BSPH1: variants seen among roughly 807,000 people sequenced by gnomAD.
BSPH1 encodes the protein binder of sperm 1.
In BSPH1, 21 loss-of-function variants were observed where a neutral mutation model predicts 22.5. The observed-to-expected ratio is 0.93, with a 90% confidence interval of 0.66 to 1.35. The LOEUF (loss-of-function observed/expected upper bound fraction) is 1.35, where lower values mean the gene tolerates loss of function less well. BSPH1 is among the 40% of genes most tolerant of loss of function. The pLI, the probability that BSPH1 is intolerant of heterozygous loss-of-function variation, is 0.00. For synonymous variants in BSPH1, 42 were observed against 53.6 expected (o/e 0.78, Z 0.95); for missense variants, 141 against 154.2 (o/e 0.91, Z 0.45).
At chr19:47,982,813 T>C (rs1170299915) in intron 1 of BSPH1, among the ~76,000 whole-genome samples, 1 of 152,194 alleles carries the variant, frequency 6.6e-6, no homozygotes, top group Non-Finnish European at 1.5e-5. Context: ...ACCACATGGA[T>C]GCACTTTGAA....
intron 5 of BSPH1, among the ~76,000 whole-genome samples, chr19:47,968,828 G>C (rs918912834): frequency 2.6e-5 from 4 of 151,500 alleles, no homozygotes; most frequent in African/African-American, 9.7e-5. Context: ...GTGAAACCCC[G>C]TCTCTACTAA....
Position 47,976,854 on chromosome 19 carries a change from T to C in BSPH1, c.257A>G (p.Asp86Gly). Residue 86 changes from aspartate to glycine, a missense_variant and splice_region_variant, in exon 5 of 6, where the codon GAT becomes GGT. Coordinates refer to ENST00000344839, the MANE Select transcript of BSPH1 (RefSeq NM_001128326.2). ...EGYWKFCSAE[D>G]FANCVFPFWY... ...GAAGGGAAATACACAGTTTGCAAAA[T>C]CTGCAGAGGAGGAAGAGGAAGAAGC... The C allele has an allele frequency of 6.4e-7, 1 of 1,551,014 alleles. No homozygotes were observed. Among genetic ancestry groups the C allele is most frequent in the Non-Finnish European group, 8.7e-7 (1 of 1,146,818 alleles).
chr19:47,988,774 C>T (rs573414740), intron 1 of BSPH1, among the ~76,000 whole-genome samples: 18 of 152,010 alleles, frequency 1.2e-4, no homozygotes, highest in African/African-American at 1.9e-4. Flanking sequence ...CAGTTCTCCC[C>T]GCAAGGGACC....
At chr19:47,977,746 G>C (rs1019408968) in intron 3 of BSPH1, 3 of 907,006 alleles carry the variant, frequency 3.3e-6, no homozygotes, top group Admixed American at 6.2e-5. Context: ...ATTTTGCTTA[G>C]CATTTGCCCC....
chr19:47,980,731 AAGTGC>A (rs1969412346), intron 2 of BSPH1, among the ~76,000 whole-genome samples, 185 bp downstream of exon 2: 2 of 151,814 alleles, frequency 1.3e-5, no homozygotes, highest in African/African-American at 4.8e-5. Context: ...CGGCCTCCCA[AAGTGC>A]TGGGACTCTT....
intron 2 of BSPH1, among the ~76,000 whole-genome samples, 197 bp downstream of exon 2, chr19:47,980,724 C>T (rs538074137): frequency 1.7e-4 from 26 of 152,038 alleles, no homozygotes; most frequent in Admixed American, 1.5e-3. Flanking sequence ...CCTGCCTCGG[C>T]CTCCCAAAGT....
intron 1 of BSPH1, among the ~76,000 whole-genome samples, chr19:47,987,585 C>T (rs1411494171): frequency 6.6e-6 from 1 of 152,066 alleles, no homozygotes; most frequent in Non-Finnish European, 1.5e-5. Flanking sequence ...CTAGGTCCCA[C>T]TATGTTTCCC....
At chr19:47,973,226 A>G in intron 5 of BSPH1, among the ~76,000 whole-genome samples, 1 of 101,678 alleles carries the variant, frequency 9.8e-6, no homozygotes, top group Middle Eastern at 5.1e-3. Context: ...CAAAATAATA[A>G]TAATAATAAT....
intron 5 of BSPH1, among the ~76,000 whole-genome samples, chr19:47,972,856 T>TCCCCAC (rs970933619): frequency 1.3e-5 from 2 of 150,674 alleles, no homozygotes; most frequent in African/African-American, 2.4e-5. Flanking sequence ...CACACACACA[T>TCCCCAC]CCCCACCCCC....
chr19:47,989,000 C>A (rs76041716), intron 1 of BSPH1, among the ~76,000 whole-genome samples: 15 of 151,684 alleles, frequency 9.9e-5, no homozygotes, highest in Admixed American at 8.5e-4. Flanking sequence ...CCCACTAGAT[C>A]GTGCACTAGT....
At chr19:47,985,835 G>GA (rs5828325) in intron 1 of BSPH1, among the ~76,000 whole-genome samples, 100,107 of 144,356 alleles carry the variant, frequency 0.69, 34,782 homozygotes, top group African/African-American at 0.81. Flanking sequence ...ACTTTGTCTA[G>GA]AAAAAAAAAA....
chr19:47,969,206 G>C (rs948614062), intron 5 of BSPH1, among the ~76,000 whole-genome samples: 9 of 152,064 alleles, frequency 5.9e-5, no homozygotes, highest in Non-Finnish European at 2.9e-5. Flanking sequence ...TTAGTTGGAC[G>C]TGGTAGACAT....
intron 1 of BSPH1, 77 bp downstream of exon 1, chr19:47,991,932 C>A: frequency 1.1e-6 from 1 of 931,342 alleles, no homozygotes; most frequent in Non-Finnish European, 1.7e-6. Flanking sequence ...CCACCTTCTC[C>A]CTCCTTCCTT....
chr19:47,980,333 G>T, intron 2 of BSPH1: 1 of 242,078 alleles, frequency 4.1e-6, no homozygotes, highest in Non-Finnish European at 6.7e-6. Flanking sequence ...TTTTTAGGTG[G>T]CAAAAGGCAT....
Position 47,976,799 on chromosome 19 carries a change from A to ACACT in BSPH1, c.308_311dup (p.Cys104Ter). On this transcript the variant is annotated stop_gained and frameshift_variant, in exon 5 of 6. Transcript: ENST00000344839. LOFTEE classifies it high-confidence loss of function. The stretch of plus-strand genomic sequence containing the variant: ...TCCCAAATGCTTCCCCATCATCAGT[A>ACACT]CACTCCCAGTAGATCAAGCGTCTGT... The ACACT allele has an allele frequency of 6.4e-7, 1 of 1,551,622 alleles. No individual in the cohort carries two copies. Among genetic ancestry groups the ACACT allele is most frequent in the East Asian group, 2.4e-5 (1 of 40,920 alleles).
At chr19:47,969,680 A>AGGGG (rs1359166353) in intron 5 of BSPH1, among the ~76,000 whole-genome samples, 1 of 127,246 alleles carries the variant, frequency 7.9e-6, no homozygotes, top group African/African-American at 2.8e-5. Flanking sequence ...AGGCAGGGAG[A>AGGGG]GGGGGAGAGA....
At chr19:47,971,216 A>G (rs1969308144) in intron 5 of BSPH1, among the ~76,000 whole-genome samples, 1 of 152,018 alleles carries the variant, frequency 6.6e-6, no homozygotes, top group African/African-American at 2.4e-5. Context: ...TTAATTAATT[A>G]TTTTTGAGAT....
chr19:47,985,757 C>T (rs767972583), intron 1 of BSPH1, among the ~76,000 whole-genome samples: 2 of 151,806 alleles, frequency 1.3e-5, no homozygotes, highest in South Asian at 4.2e-4. Flanking sequence ...ATCACTTGAA[C>T]CTGGGACGTG....
At chr19:47,980,037 A>G (rs1323944124) in intron 2 of BSPH1, among the ~76,000 whole-genome samples, 1 of 152,176 alleles carries the variant, frequency 6.6e-6, no homozygotes, top group Non-Finnish European at 1.5e-5. Flanking sequence ...ATACAATCAT[A>G]AAATAATTTT....
Sources: gnomAD v4.1 joint callset for allele counts (sites outside exome capture counted in the v4.1 genomes callset) on GRCh38, gnomAD v4.1.1 for gene constraint, MANE v1.5 for transcripts, NCBI Gene and HGNC (gene_info 2026-07-23, HGNC 2026-07-21) for gene names.